Variants in MARF1 observed in about 807,000 individuals in gnomAD.
MARF1 encodes the protein limkain-b1.
MARF1 carries 24 observed loss-of-function variants against 168.2 expected under a neutral mutation model. That is an observed-to-expected ratio of 0.14 (90% CI 0.10 to 0.20). The LOEUF is 0.20. MARF1 is among the 10% of genes least tolerant of loss of function. The pLI, the probability that MARF1 is intolerant of heterozygous loss-of-function variation, is 1.00. For synonymous variants in MARF1, 868 were observed against 822.4 expected, an observed-to-expected ratio of 1.06 and a Z score of -0.95; for missense variants, 1,744 against 2,143.6, an observed-to-expected ratio of 0.81 and a Z score of 3.68.
chr16:15,635,909 C>T lies in MARF1; in HGVS notation c.578G>A (p.Cys193Tyr), dbSNP rs768288566. ...SNLSSCKHLP[C>Y]CGKLHFQSCH... ...TGACTGGAAGTGGAGTTTTCCACAA[C>T]AGGGCAGGTGTTTGCAGGAAGACAG... Residue 193 changes from cysteine (C) to tyrosine (Y), a missense_variant, in exon 3 of 27, where the codon TGT becomes TAT. Physicochemically the swap from Cys to Tyr is radical, Grantham distance 194. Around this residue, in one of 7 missense-constraint regions of MARF1, gnomAD observed 318 missense variants for 336.6 expected, o/e 0.94. Coordinates refer to ENST00000396368, the MANE Select transcript of MARF1 (RefSeq NM_014647.4). 2 of 1,614,150 alleles carry T rather than the reference C, an allele frequency of 1.2e-6. No individual in the cohort carries two copies. The highest frequency in any genetic ancestry group is 1.7e-6 in the Non-Finnish European group (2 of 1,180,032).
At chr16:15,625,829 A>T in intron 7 of MARF1, 29 bp from the exon 8 acceptor site, 1 of 1,569,968 alleles carries the variant, frequency 6.4e-7, no homozygotes, top group Non-Finnish European at 8.7e-7. Context: ...GTGTTACGTC[A>T]GGTTAATTCA....
chr16:15,599,431 G>T (rs1165386253), intron 25 of MARF1, among the ~76,000 whole-genome samples: 1 of 152,302 alleles, frequency 6.6e-6, no homozygotes, highest in East Asian at 1.9e-4. Flanking sequence ...TGGGTGAGCT[G>T]TAATACGTGA....
intron 17 of MARF1, among the ~76,000 whole-genome samples, chr16:15,612,032 T>G (rs2033609466): frequency 6.6e-6 from 1 of 152,198 alleles, no homozygotes; most frequent in Non-Finnish European, 1.5e-5. Flanking sequence ...AAATGAAAAC[T>G]GTATTGGTTG....
At chr16:15,616,897 T>C (rs2034094013) in intron 15 of MARF1, 155 bp downstream of exon 15, 2 of 1,065,616 alleles carry the variant, frequency 1.9e-6, no homozygotes, top group Admixed American at 2.5e-5. Flanking sequence ...AATTTTGTTA[T>C]GTGGTGCATG....
intron 1 of MARF1, among the ~76,000 whole-genome samples, chr16:15,640,425 G>A (rs549659528): frequency 1.3e-3 from 203 of 152,290 alleles, no homozygotes; most frequent in Non-Finnish European, 2.5e-3. Context: ...AAATGCAAGC[G>A]AGGCACCGTG....
At chr16:15,606,036 G>A (rs1051884797) in intron 21 of MARF1, 1 of 152,380 alleles carries the variant, frequency 6.6e-6, no homozygotes, top group Admixed American at 6.5e-5. Context: ...CCCATCTCCA[G>A]GGTCACAGTG....
At chr16:15,639,692 C>T (rs1429958737) in intron 1 of MARF1, among the ~76,000 whole-genome samples, 2 of 151,968 alleles carry the variant, frequency 1.3e-5, no homozygotes, top group Non-Finnish European at 2.9e-5. Flanking sequence ...TTAGCCACTG[C>T]GCCCGGCCAA....
rs374903730 is a variant in MARF1, at chr16:15,609,723, G to A, written c.3754C>T (p.Arg1252Cys). The A allele has an allele frequency of 2.5e-6, 4 of 1,612,324 alleles. No homozygotes were observed. The highest frequency in any genetic ancestry group is 2.7e-5 in the African/African-American group (2 of 74,800). ...GTCCTTTCTATTTCATCCTGAGTGC[G>A]TTCTTTTAAAAAAACCAAAAAACAT... ...EMVICIPKRE[R>C]TQDEIERTKQ... The change falls in exon 20 of 27, where the codon CGC becomes TGC. Residue 1252 changes from arginine to cysteine, a missense_variant and splice_region_variant. By Grantham distance (180) the Arg-to-Cys change is radical (BLOSUM62 -3). Around this residue, in one of 7 missense-constraint regions of MARF1, gnomAD observed 543 missense variants for 742.1 expected, o/e 0.73. Coordinates refer to ENST00000396368, the MANE Select transcript of MARF1 (RefSeq NM_014647.4).
chr16:15,631,539 G>A (rs772360803), intron 5 of MARF1, 41 bp from the exon 6 acceptor site: 2 of 1,421,072 alleles, frequency 1.4e-6, no homozygotes, highest in South Asian at 1.2e-5. Context: ...CAGGAGCTGA[G>A]GCTAGAAAAT....
chr16:15,610,907 C>T lies in MARF1; in HGVS notation c.3751+68G>A. ...GGACAGGGAGGGAAAACCACATCTT[C>T]CATGCCACACTATGTTAAAATAACA... On this transcript the variant is annotated intron_variant, in intron 19 of 26. Coordinates refer to ENST00000396368, the MANE Select transcript of MARF1 (RefSeq NM_014647.4). 6 of 1,496,060 alleles carry T rather than the reference C, an allele frequency of 4.0e-6. No homozygotes were observed. In the South Asian group the frequency reaches 6.1e-5, roughly 15 times the overall value. 92.7% of individuals were successfully genotyped at this position (1,496,060 alleles called of 1,614,324 possible).
intron 16 of MARF1, among the ~76,000 whole-genome samples, chr16:15,613,766 T>C (rs940732867): frequency 3.9e-5 from 6 of 152,204 alleles, no homozygotes; most frequent in African/African-American, 1.4e-4. Flanking sequence ...GCATAATCTA[T>C]GGCCCCTGAG....
chr16:15,629,010 A>C (rs369598340), intron 7 of MARF1, among the ~76,000 whole-genome samples: 2 of 151,932 alleles, frequency 1.3e-5, no homozygotes, highest in East Asian at 1.9e-4. Context: ...AAAGTGGGCA[A>C]GTTCTTACCT....
intron 23 of MARF1, 35 bp from the exon 24 acceptor site, chr16:15,600,736 A>T: frequency 1.2e-6 from 2 of 1,608,032 alleles, no homozygotes; most frequent in Non-Finnish European, 8.5e-7. Context: ...TAAGCAGCGG[A>T]AAAGGAGGGG....
chr16:15,626,488 T>C (rs1175789306), intron 7 of MARF1, among the ~76,000 whole-genome samples: 1 of 152,186 alleles, frequency 6.6e-6, no homozygotes. Context: ...GGTTTTTGCA[T>C]AGGAGAATGC....
At chr16:15,597,648 C>A (rs1369618659) in intron 26 of MARF1, among the ~76,000 whole-genome samples, 21 of 152,216 alleles carry the variant, frequency 1.4e-4, no homozygotes, top group Admixed American at 1.4e-3. Context: ...GTGAGAGTGG[C>A]AGAGGGGACA....
intron 21 of MARF1, among the ~76,000 whole-genome samples, chr16:15,605,577 A>C (rs2032938802): frequency 6.6e-6 from 1 of 152,136 alleles, no homozygotes; most frequent in Admixed American, 6.5e-5. Context: ...ACAGCTGCTT[A>C]GGAAAGAAAC....
In MARF1 at chr16:15,596,933, A is replaced by G. The variant is rs2150998740; in HGVS notation, c.4989T>C (p.Ile1663=). Residue 1663 remains isoleucine, a synonymous_variant, in exon 27 of 27, where the codon ATT becomes ATC. Coordinates refer to ENST00000396368, the MANE Select transcript of MARF1 (RefSeq NM_014647.4). The stretch of plus-strand genomic sequence containing the variant: ...TTTTTTCTTCTTGGTTTAAAATCAT[A>G]ATTTCTGTAAACACAGAAAAGCAAA... ...FEERPQEPSE[I]MILNQEEKME... 1 of 1,599,814 alleles carries G rather than the reference A, an allele frequency of 6.3e-7. No homozygotes were observed.
rs768160504 is a variant in MARF1 at position 15,608,277 on chromosome 16, A to C, written c.4182+14T>G. 1.7e-4 allele frequency: 258 copies of C among 1,487,312 alleles called. No individual in the cohort carries two copies. The highest frequency in any genetic ancestry group is 2.0e-4 in the East Asian group (9 of 44,122). 92.1% of individuals were successfully genotyped at this position (1,487,312 alleles called of 1,614,324 possible). ...CCATGAGGGAAAAAAAAAAAAAAAA[A>C]AAAAAACATTTACCTTCACGACATG... is the stretch of plus-strand genomic sequence containing the variant. On this transcript the variant is annotated intron_variant, in intron 21 of 26. Transcript: ENST00000396368.
At chr16:15,620,315 T>G in intron 13 of MARF1, 136 bp downstream of exon 13, 1 of 493,184 alleles carries the variant, frequency 2.0e-6, no homozygotes, top group Middle Eastern at 2.8e-4. Context: ...TTCATTGACA[T>G]GTAAATCTGA....
Sources: gnomAD v4.1 joint callset for allele counts (sites outside exome capture counted in the v4.1 genomes callset) on GRCh38, gnomAD v4.1.1 for gene constraint, gnomAD v4.1.1 regional missense constraint, MANE v1.5 for transcripts, NCBI Gene and HGNC (gene_info 2026-07-23, HGNC 2026-07-21) for gene names.